The following SEMA3A variants were observed in gnomAD, a reference collection of about 807,000 sequenced individuals.
SEMA3A encodes semaphorin-3A.
SEMA3A carries 29 observed loss-of-function variants against 97.9 expected under a neutral mutation model. The observed-to-expected ratio is 0.30, with a 90% CI of 0.22 to 0.40. The LOEUF (loss-of-function observed/expected upper bound fraction) is 0.40. Among genes scored for constraint, SEMA3A ranks in the 10% least tolerant of loss-of-function variants. The pLI is 1.00. For synonymous variants in SEMA3A, 321 were observed against 323.7 expected, an observed-to-expected ratio of 0.99 and a Z score of 0.09; for missense variants, 763 against 951.3, an observed-to-expected ratio of 0.80 and a Z score of 2.60.
At chr7:84,357,209 CA>C (rs1372313414) in intron 2 of SEMA3A, among the ~76,000 whole-genome samples, 8 of 151,424 alleles carry the variant, frequency 5.3e-5, no homozygotes, top group Non-Finnish European at 1.2e-4. Context: ...ATACATGTGC[CA>C]TGTTGGTGTG....
At chr7:83,983,961 T>C (rs945624288) in intron 13 of SEMA3A, among the ~76,000 whole-genome samples, 1 of 152,158 alleles carries the variant, frequency 6.6e-6, no homozygotes, top group African/African-American at 2.4e-5. Flanking sequence ...TTGAGTCATA[T>C]CTGAACGAAA....
rs1798165315 is a variant in SEMA3A, at chr7:84,194,747, T to A, written c.-161A>T. ...GACCTCATGGCAACACTAACACCTCTTCTTCTGTAACAGTCACTGAAGCAC... is the reference window on the plus strand; with the variant it reads ...GACCTCATGGCAACACTAACACCTCATCTTCTGTAACAGTCACTGAAGCAC... On this transcript the variant is annotated 5_prime_UTR_variant, in exon 1 of 17. It adds an upstream start codon to the 5' untranslated region. Coordinates refer to ENST00000265362, the MANE Select transcript of SEMA3A (RefSeq NM_006080.3). The A allele has an allele frequency of 2.2e-6, 1 of 462,586 alleles. No individual in the cohort carries two copies. Among genetic ancestry groups the A allele is most frequent in the Non-Finnish European group, 3.8e-6 (1 of 261,028 alleles). 28.7% of individuals were successfully genotyped at this position (462,586 alleles called of 1,614,324 possible).
intron 13 of SEMA3A, among the ~76,000 whole-genome samples, chr7:83,983,219 CTTT>C (rs74379937): frequency 0.12 from 18,316 of 151,326 alleles, 1,378 homozygotes; most frequent in Non-Finnish European, 0.17. Context: ...CTTTCCTTTT[CTTT>C]TTCTTTCTTT....
intron 3 of SEMA3A, among the ~76,000 whole-genome samples, chr7:84,287,879 T>C (rs543232448): frequency 2.0e-5 from 3 of 152,258 alleles, no homozygotes; most frequent in African/African-American, 7.2e-5. Context: ...CTAGTTAATT[T>C]TTAAACTCAT....
chr7:84,391,434 A>C (rs2116175989), intron 1 of SEMA3A, among the ~76,000 whole-genome samples: 1 of 152,230 alleles, frequency 6.6e-6, no homozygotes, highest in South Asian at 2.1e-4. Context: ...CTATGGAAGA[A>C]GTCTCTTCCC....
chr7:84,299,344 CTCTCTCTCTCTCTCTCTCTCCCTCTAT>C (rs1800949483), intron 3 of SEMA3A, among the ~76,000 whole-genome samples: 1 of 135,140 alleles, frequency 7.4e-6, no homozygotes, highest in South Asian at 2.5e-4. Flanking sequence ...ATGTATCTCT[CTCTCTCTCTCTCTCTCTCTCCCTCTAT>C]ATATATATAT....
At position 84,407,735 on chromosome 7, in the gene SEMA3A, T is replaced by C. The variant is rs576729501; in HGVS notation, c.-245-35835A>G. Among the ~76,000 whole-genome samples, 244 of 152,142 alleles carry C rather than the reference T, an allele frequency of 1.6e-3. 2 individuals carry two copies. The highest frequency in any genetic ancestry group is 5.3e-3 in the African/African-American group (221 of 41,506). ...AACAGAATAGAGCCCTCAGAAATAA[T>C]GCCACATATCTACAACTATCTGATC... On this transcript the variant is annotated intron_variant, in intron 1 of 3. Transcript: ENST00000424555.
intron 1 of SEMA3A, among the ~76,000 whole-genome samples, chr7:84,193,898 TAC>T (rs1237738676): frequency 1.3e-5 from 2 of 152,150 alleles, no homozygotes; most frequent in Non-Finnish European, 2.9e-5. Context: ...ATTAGCCAAA[TAC>T]AGTCTTTTGT....
chr7:84,350,545 C>A (rs536685517), intron 2 of SEMA3A, among the ~76,000 whole-genome samples: 1 of 152,268 alleles, frequency 6.6e-6, no homozygotes, highest in East Asian at 1.9e-4. Flanking sequence ...GATATTGTTA[C>A]TGGGGTAATT....
chr7:83,993,474 T>C (rs1316552374), intron 12 of SEMA3A, among the ~76,000 whole-genome samples: 2 of 151,630 alleles, frequency 1.3e-5, no homozygotes, highest in South Asian at 2.1e-4. Context: ...TTTCCATGTT[T>C]AGTGCTTCCT....
chr7:84,146,401 C>T (rs1002912390), intron 1 of SEMA3A, among the ~76,000 whole-genome samples: 1 of 152,146 alleles, frequency 6.6e-6, no homozygotes, highest in Non-Finnish European at 1.5e-5. Flanking sequence ...CCTGGCTCCA[C>T]ATTCGATGCT....
intron 1 of SEMA3A, 43 bp downstream of exon 1, chr7:84,194,432 G>C: frequency 1.5e-6 from 2 of 1,292,948 alleles, no homozygotes. Context: ...GGGGGGGGGC[G>C]GTTATTACAA....
At chr7:84,403,643 C>T (rs1184544666) in intron 1 of SEMA3A, among the ~76,000 whole-genome samples, 2 of 152,276 alleles carry the variant, frequency 1.3e-5, no homozygotes, top group East Asian at 1.9e-4. Flanking sequence ...GGAGGCACCC[C>T]CAGTAGGGGC....
At position 83,977,186 on chromosome 7, in the gene SEMA3A, G is replaced by T; in HGVS notation, c.1663C>A (p.Arg555=). 6.3e-7 allele frequency: 1 copy of T among 1,583,126 alleles called. No individual in the cohort carries two copies. The highest frequency in any genetic ancestry group is 8.6e-7 in the Non-Finnish European group (1 of 1,160,680). The change falls in exon 15 of 17, where the codon CGA becomes AGA. Residue 555 remains arginine (R), a synonymous_variant. Transcript: ENST00000265362. ...YFPTAKRRTR[R]QDIRNGDPLT... ...GGGTCTCCATTTCTTATATCTTGTC[G>T]TCTTGTGCGTCTGAAGCAATTACAT...
At chr7:84,402,065 C>A (rs77293022) in intron 1 of SEMA3A, among the ~76,000 whole-genome samples, 17,498 of 152,074 alleles carry the variant, frequency 0.12, 1,892 homozygotes, top group African/African-American at 0.27. Flanking sequence ...GAGACAACTT[C>A]TTGGGAGAAA....
At chr7:84,335,976 T>A in intron 2 of SEMA3A, among the ~76,000 whole-genome samples, 1 of 152,144 alleles carries the variant, frequency 6.6e-6, no homozygotes, top group East Asian at 1.9e-4. Context: ...CAACTCAGAT[T>A]AGCCCAGTTT....
At chr7:84,208,727 T>G (rs530580798) in intron 3 of SEMA3A, among the ~76,000 whole-genome samples, 1 of 152,380 alleles carries the variant, frequency 6.6e-6, no homozygotes, top group African/African-American at 2.4e-5. Context: ...ATCTTAAGTA[T>G]AAGTGGAACA....
chr7:84,016,077 T>C (rs1227379451), intron 6 of SEMA3A, among the ~76,000 whole-genome samples: 2 of 152,014 alleles, frequency 1.3e-5, no homozygotes, highest in East Asian at 1.9e-4. Flanking sequence ...ATATTATATA[T>C]GTAAATATGC....
chr7:84,274,200 G>A (rs777663863), intron 3 of SEMA3A, among the ~76,000 whole-genome samples: 2 of 151,852 alleles, frequency 1.3e-5, no homozygotes, highest in Non-Finnish European at 2.9e-5. Flanking sequence ...CAGGTGAACC[G>A]AAAGTGCATG....
Sources: gnomAD v4.1 joint callset for allele counts (sites outside exome capture counted in the v4.1 genomes callset) on GRCh38, gnomAD v4.1.1 for gene constraint, MANE v1.5 for transcripts, NCBI Gene and HGNC (gene_info 2026-07-23, HGNC 2026-07-21) for gene names.